Variants in OOEP observed in about 807,000 individuals in gnomAD.
OOEP encodes the protein oocyte expressed protein.
OOEP carries 16 observed loss-of-function variants against 13.7 expected under a neutral mutation model. That is an observed-to-expected ratio of 1.16 (90% CI 0.79 to 1.77). The LOEUF is 1.77. OOEP is among the 40% of genes most tolerant of loss of function. The probability of loss-of-function intolerance (pLI) is 0.00; values close to 1 mark genes in which losing one functional copy is unlikely to be tolerated. For missense variants in OOEP, 195 were observed against 193.1 expected, an observed-to-expected ratio of 1.01 and a Z score of -0.06; for synonymous variants, 89 against 77.1, an observed-to-expected ratio of 1.15 and a Z score of -0.81.
exon 1 of OOEP, chr6:73,394,789 T>C (rs974607033): frequency 1.9e-5 from 28 of 1,458,088 alleles, no homozygotes; most frequent in East Asian, 9.2e-5. Context: ...GCTAGCCTCG[T>C]GCGGGCTCCT....
chr6:73,395,077 C>T, exon 1 of OOEP: 2 of 1,614,142 alleles, frequency 1.2e-6, no homozygotes, highest in Middle Eastern at 1.7e-4. Flanking sequence ...CTCTAGGCCC[C>T]CGGAGGCCGT....
At chr6:73,386,977 GAAAAAAAA>G (rs1169476638) in intron 2 of OOEP, among the ~76,000 whole-genome samples, 2 of 30,878 alleles carry the variant, frequency 6.5e-5, no homozygotes, top group South Asian at 1.5e-3. Context: ...TTCCATCTCA[GAAAAAAAA>G]AAAAAAAAAA....
upstream of OOEP, among the ~76,000 whole-genome samples, chr6:73,370,269 T>C (rs1223250318): frequency 6.6e-6 from 1 of 152,216 alleles, no homozygotes; most frequent in African/African-American, 2.4e-5. Flanking sequence ...GTTTTCTCTG[T>C]TCTGCTCCCT....
chr6:73,369,146 A>C, intron 2 of OOEP, 60 bp downstream of exon 2: 1 of 1,511,698 alleles, frequency 6.6e-7, no homozygotes, highest in Admixed American at 2.0e-5. Flanking sequence ...AAGGAAACCG[A>C]GCAAGGCCAG....
At chr6:73,383,524 G>C (rs1769234293) in intron 2 of OOEP, among the ~76,000 whole-genome samples, 1 of 151,732 alleles carries the variant, frequency 6.6e-6, no homozygotes, top group Non-Finnish European at 1.5e-5. Flanking sequence ...AGTCTCAGCT[G>C]CTCAGAAGGC....
At chr6:73,373,293 G>C (rs1190282367), upstream of OOEP, 3 of 1,571,628 alleles carry the variant, frequency 1.9e-6, no homozygotes, top group Non-Finnish European at 2.6e-6. Flanking sequence ...AACACACCAC[G>C]ATGGCGGAGA....
intron 2 of OOEP, among the ~76,000 whole-genome samples, chr6:73,381,802 G>A (rs745717361): frequency 3.8e-4 from 58 of 152,106 alleles, no homozygotes; most frequent in Non-Finnish European, 7.5e-4. Flanking sequence ...CCGACATGGC[G>A]AAACCCATGT....
At position 73,369,878 on chromosome 6, in the gene OOEP, T is replaced by C. The variant is rs960798764; in HGVS notation, c.-86A>G. 1.5e-6 allele frequency: 2 copies of C among 1,308,690 alleles called. No individual in the cohort carries two copies. Among genetic ancestry groups the C allele is most frequent in the Non-Finnish European group, 2.1e-6 (2 of 934,800 alleles). The allele number at this position is 1,308,690 out of a possible 1,614,324, so 81.1% of individuals were successfully genotyped here. ...CAGGCGCGAAGCTCGGGCTCTCTTTTACCATATTCGACCCGCTCCGCCCCT... is the reference window on the plus strand; with the variant it reads ...CAGGCGCGAAGCTCGGGCTCTCTTTCACCATATTCGACCCGCTCCGCCCCT... On this transcript the variant is annotated 5_prime_UTR_variant, in exon 1 of 3. Transcript: ENST00000370359.
intron 2 of OOEP, among the ~76,000 whole-genome samples, chr6:73,382,762 C>T (rs1376172985): frequency 6.6e-6 from 1 of 151,632 alleles, no homozygotes; most frequent in Non-Finnish European, 1.5e-5. Flanking sequence ...CTATGTTGCC[C>T]AGGCTAGGCT....
intron 2 of OOEP, among the ~76,000 whole-genome samples, chr6:73,382,136 C>T (rs1326943655): frequency 6.6e-6 from 1 of 152,014 alleles, no homozygotes; most frequent in Non-Finnish European, 1.5e-5. Context: ...CAGCCTTAAC[C>T]TCCCAGGCTC....
chr6:73,372,219 A>G (rs1485106126), upstream of OOEP, among the ~76,000 whole-genome samples: 2 of 152,170 alleles, frequency 1.3e-5, no homozygotes, highest in African/African-American at 4.8e-5. Context: ...CTTTAGGGGG[A>G]CTGTGGTGAT....
At chr6:73,386,495 A>G (rs1769274210) in intron 2 of OOEP, among the ~76,000 whole-genome samples, 2 of 152,234 alleles carry the variant, frequency 1.3e-5, no homozygotes, top group South Asian at 4.1e-4. Context: ...TACAAAATCA[A>G]TATACACAAA....
At chr6:73,387,926 T>C (rs1212073440) in intron 2 of OOEP, among the ~76,000 whole-genome samples, 6 of 152,338 alleles carry the variant, frequency 3.9e-5, no homozygotes, top group African/African-American at 1.4e-4. Flanking sequence ...TGGAGTGCAG[T>C]AGCGCAATCT....
At chr6:73,374,391 A>G (rs1769105652), upstream of OOEP, among the ~76,000 whole-genome samples, 1 of 152,094 alleles carries the variant, frequency 6.6e-6, no homozygotes, top group Non-Finnish European at 1.5e-5. Flanking sequence ...TCTGTGGTAC[A>G]GAGCCAATCA....
chr6:73,380,928 C>G (rs987495971), intron 2 of OOEP, among the ~76,000 whole-genome samples: 1 of 152,150 alleles, frequency 6.6e-6, no homozygotes, highest in East Asian at 1.9e-4. Context: ...GCGGGTGAAT[C>G]ACTTGGGGTT....
intron 2 of OOEP, among the ~76,000 whole-genome samples, chr6:73,392,698 C>G (rs903046286): frequency 1.7e-5 from 2 of 115,330 alleles, no homozygotes; most frequent in African/African-American, 6.7e-5. Context: ...GTGGCACAAT[C>G]TTGGCTCACT....
At chr6:73,380,298 A>G (rs1582627235) in intron 2 of OOEP, among the ~76,000 whole-genome samples, 2 of 136,008 alleles carry the variant, frequency 1.5e-5, no homozygotes, top group Admixed American at 8.4e-5. Context: ...CCCAGGCTGG[A>G]GTGTGGTGGT....
At position 73,369,748 on chromosome 6, in the gene OOEP, C is replaced by G; in HGVS notation, c.45G>C (p.Gln15His). 1 of 1,614,034 alleles carries G rather than the reference C, an allele frequency of 6.2e-7. No homozygotes were observed. The highest frequency in any genetic ancestry group is 8.5e-7 in the Non-Finnish European group (1 of 1,179,892). The change falls in exon 1 of 3, where the codon CAG (glutamine) becomes CAC (histidine). Residue 15 changes from glutamine to histidine, a missense_variant. Physicochemically the swap from Gln to His is conservative, Grantham distance 24. Transcript: ENST00000370359. ...AGAAESQRGK[Q>H]TPAHSLEQLR... Reference sequence around the variant, plus strand: ...GCTGCTCCAGGGAGTGGGCCGGAGTCTGTTTGCCCCGCTGGGACTCAGCGG... The same window carrying G: ...GCTGCTCCAGGGAGTGGGCCGGAGTGTGTTTGCCCCGCTGGGACTCAGCGG...
At chr6:73,374,218 T>C (rs896301883), upstream of OOEP, among the ~76,000 whole-genome samples, 1 of 152,098 alleles carries the variant, frequency 6.6e-6, no homozygotes, top group African/African-American at 2.4e-5. Flanking sequence ...TACAATTTTA[T>C]GTATTTTTTT....
Sources: gnomAD v4.1 joint callset for allele counts (sites outside exome capture counted in the v4.1 genomes callset) on GRCh38, gnomAD v4.1.1 for gene constraint, MANE v1.5 for transcripts, NCBI Gene and HGNC (gene_info 2026-07-23, HGNC 2026-07-21) for gene names.